The following THOP1 variants were observed in gnomAD, a reference collection of about 807,000 sequenced individuals.
THOP1 encodes the protein thimet oligopeptidase.
THOP1 carries 49 observed loss-of-function variants against 71.8 expected under a neutral mutation model. The ratio of observed to expected loss-of-function variants is 0.68; its 90% CI spans 0.54 to 0.87. The LOEUF is 0.87. Ranked by LOEUF, THOP1 falls within the 40% of genes least tolerant of loss-of-function variation. The pLI is 0.00. For missense variants in THOP1, 843 were observed against 975.6 expected, an observed-to-expected ratio of 0.86 and a Z score of 1.81; for synonymous variants, 426 against 421.5, an observed-to-expected ratio of 1.01 and a Z score of -0.13.
At position 2,796,102 on chromosome 19, in the gene THOP1, C is replaced by G. The variant is rs1287750734; in HGVS notation, c.400C>G (p.Leu134Val). Residue 134 changes from leucine to valine, a missense_variant, in exon 4 of 13, where the codon CTG becomes GTG. Leu to Val is a conservative substitution (Grantham distance 32, BLOSUM62 1). Transcript: ENST00000307741. Reference sequence around the variant, plus strand: ...CCAGGAGAAAGTTCAGAAGGACTCACTGAGGCCCGAGGCTGCGCGGTACCT... The same window carrying G: ...CCAGGAGAAAGTTCAGAAGGACTCAGTGAGGCCCGAGGCTGCGCGGTACCT... ...WLQEKVQKDS[L>V]RPEAARYLER... 1.9e-6 allele frequency: 3 copies of G among 1,613,918 alleles called. No homozygotes were observed. The highest frequency in any genetic ancestry group is 2.5e-6 in the Non-Finnish European group (3 of 1,179,968).
intron 5 of THOP1, among the ~76,000 whole-genome samples, 160 bp downstream of exon 5, chr19:2,799,951 T>C (rs1599525159): frequency 6.6e-6 from 1 of 152,354 alleles, no homozygotes; most frequent in African/African-American, 2.4e-5. Context: ...CTGAGGACTT[T>C]CCTCACCGGA....
intron 4 of THOP1, among the ~76,000 whole-genome samples, chr19:2,797,855 G>A (rs1048234462): frequency 6.6e-6 from 1 of 152,126 alleles, no homozygotes; most frequent in Non-Finnish European, 1.5e-5. Flanking sequence ...TCCTGGTTAG[G>A]GGGCGTCTCC....
intron 6 of THOP1, 67 bp from the exon 7 acceptor site, chr19:2,806,850 G>A (rs1916303735): frequency 6.2e-7 from 1 of 1,607,502 alleles, no homozygotes; most frequent in Non-Finnish European, 8.5e-7. Context: ...CCTGGGACAG[G>A]GCGTGCTGGC....
At position 2,791,534 on chromosome 19, in the gene THOP1, C is replaced by T. The variant is rs549459016; in HGVS notation, c.229+901C>T. Among the ~76,000 whole-genome samples, 105 of 152,328 alleles carry T rather than the reference C, an allele frequency of 6.9e-4. 1 individual carries two copies. The South Asian group carries it at 0.011, about 17-fold the overall frequency. ...GCAAGCACCCCAAGCCTGCAGGTCC[C>T]GCAGCCCCTGATTGGAATCCTGACC... On this transcript the variant is annotated intron_variant, in intron 2 of 12. Transcript: ENST00000307741.
chr19:2,808,196 G>C, intron 8 of THOP1, 47 bp from the exon 9 acceptor site: 1 of 1,532,776 alleles, frequency 6.5e-7, no homozygotes, highest in South Asian at 1.2e-5. Flanking sequence ...AGGGACTCTT[G>C]CGGTGTCTCT....
intron 2 of THOP1, among the ~76,000 whole-genome samples, chr19:2,792,134 T>C (rs1375952623): frequency 1.3e-5 from 2 of 152,256 alleles, no homozygotes; most frequent in Non-Finnish European, 2.9e-5. Flanking sequence ...ACTTGTCTAA[T>C]CGGTCGCCCG....
Position 2,804,717 on chromosome 19 carries a change from C to T in THOP1, c.590-299C>T, listed in dbSNP as rs1053448603. 3.2e-6 allele frequency: 1 copy of T among 308,474 alleles called. No individual in the cohort carries two copies. Among genetic ancestry groups the T allele is most frequent in the South Asian group, 6.3e-5 (1 of 15,774 alleles). 19.1% of individuals were successfully genotyped at this position (308,474 alleles called of 1,614,324 possible). ...GGGTTGGGCTGGATTTAGCTTTAAC[C>T]TCTCTGGGGCAGGAGATCCTGCTCT... On this transcript the variant is annotated intron_variant, in intron 5 of 12. Transcript: ENST00000307741. This position sits in a 1 kb window ranked among gnomAD's most constrained non-coding sequence, Gnocchi z 4.7.
intron 2 of THOP1, among the ~76,000 whole-genome samples, chr19:2,791,253 A>G (rs926137185): frequency 6.6e-6 from 1 of 152,156 alleles, no homozygotes; most frequent in African/African-American, 2.4e-5. Context: ...AGCTCTGCCT[A>G]AGGCTGACAG....
chr19:2,794,044 T>G (rs546247268), intron 2 of THOP1, among the ~76,000 whole-genome samples: 266 of 150,856 alleles, frequency 1.8e-3, no homozygotes, highest in Non-Finnish European at 2.9e-3. Flanking sequence ...AGATGGAGCC[T>G]CACTCTGTCG....
chr19:2,796,550 G>A (rs1916018811), intron 4 of THOP1, among the ~76,000 whole-genome samples: 1 of 151,022 alleles, frequency 6.6e-6, no homozygotes, highest in African/African-American at 2.4e-5. Flanking sequence ...CTCGGTCCCA[G>A]GGAGTACTGG....
rs1330912607 is a variant in THOP1, at chr19:2,804,882, A to G, written c.590-134A>G. The G allele has an allele frequency of 1.2e-6, 1 of 831,060 alleles. No homozygotes were observed. The highest frequency in any genetic ancestry group is 1.8e-6 in the Non-Finnish European group (1 of 553,892). 51.5% of individuals were successfully genotyped at this position (831,060 alleles called of 1,614,324 possible). ...GTAAGAATTGCAGCGGGTGGTGGCCAGGCTGCAGCTGCTCGCTGAGGGCCC... is the reference window on the plus strand; with the variant it reads ...GTAAGAATTGCAGCGGGTGGTGGCCGGGCTGCAGCTGCTCGCTGAGGGCCC... On this transcript the variant is annotated intron_variant, in intron 5 of 12. Coordinates refer to ENST00000307741, the MANE Select transcript of THOP1 (RefSeq NM_003249.5). The surrounding 1 kb of genome is among the most constrained non-coding windows in gnomAD (Gnocchi z 4.7).
chr19:2,794,467 G>A (rs1199052273), intron 2 of THOP1, among the ~76,000 whole-genome samples: 2 of 152,208 alleles, frequency 1.3e-5, no homozygotes, highest in South Asian at 2.1e-4. Flanking sequence ...CTGTTTCGTC[G>A]TACCCAGCTC....
At chr19:2,811,362 G>A (rs1040476649) in intron 11 of THOP1, among the ~76,000 whole-genome samples, 1 of 152,212 alleles carries the variant, frequency 6.6e-6, no homozygotes, top group African/African-American at 2.4e-5. Flanking sequence ...TGTGGCAGCT[G>A]ACAGCCCCGT....
In THOP1 at chr19:2,804,805, G is replaced by T; in HGVS notation, c.590-211G>T. Reference sequence around the variant, plus strand: ...GGACGTGAGAAACGTGGCAGGTGGTGGCCAGGCTGTGGGGGAGCCAGGGTA... The same window carrying T: ...GGACGTGAGAAACGTGGCAGGTGGTTGCCAGGCTGTGGGGGAGCCAGGGTA... On this transcript the variant is annotated intron_variant, in intron 5 of 12. Transcript: ENST00000307741. This position sits in a 1 kb window ranked among gnomAD's most constrained non-coding sequence, Gnocchi z 4.7. The T allele has an allele frequency of 1.8e-6, 1 of 543,132 alleles. No homozygotes were observed. The highest frequency in any genetic ancestry group is 3.2e-6 in the Non-Finnish European group (1 of 310,424). The allele number at this position is 543,132 out of a possible 1,614,324, so 33.6% of individuals were successfully genotyped here. A position where few individuals can be genotyped will look rare whatever the true frequency, so the allele number is the denominator to read the frequency against.
In THOP1 at chr19:2,799,777, C is replaced by A; in HGVS notation, c.575C>A (p.Thr192Lys). 6.2e-7 allele frequency: 1 copy of A among 1,613,748 alleles called. No individual in the cohort carries two copies. Among genetic ancestry groups the A allele is most frequent in the Non-Finnish European group, 8.5e-7 (1 of 1,179,864 alleles). Residue 192 changes from threonine to lysine, a missense_variant, in exon 5 of 13, where the codon ACG (threonine) becomes AAG (lysine). Transcript: ENST00000307741. ...GAGGACACGACCTTCCTGCCCTTCA[C>A]GCTCCAGGAGCTAGGTAGGGGCCGA... ...LNEDTTFLPFTLQELGGLPED... is the reference protein window; with the variant it reads ...LNEDTTFLPFKLQELGGLPED...
chr19:2,802,425 C>A, intron 5 of THOP1, among the ~76,000 whole-genome samples: 1 of 144,792 alleles, frequency 6.9e-6, no homozygotes, highest in African/African-American at 2.6e-5. Flanking sequence ...CTCCCGACAC[C>A]CCCACCTCCC....
intron 5 of THOP1, among the ~76,000 whole-genome samples, chr19:2,802,269 A>C (rs1327025566): frequency 1.5e-4 from 10 of 68,004 alleles, no homozygotes; most frequent in African/African-American, 1.8e-4. Flanking sequence ...CGACACACCC[A>C]CCTCCCGACA....
intron 4 of THOP1, among the ~76,000 whole-genome samples, chr19:2,799,002 TA>T (rs1032459756): frequency 6.6e-6 from 1 of 152,228 alleles, no homozygotes; most frequent in Non-Finnish European, 1.5e-5. Context: ...TAGCTGTTTC[TA>T]AAACCAGCTT....
At chr19:2,812,613 C>T (rs556705647) in intron 12 of THOP1, among the ~76,000 whole-genome samples, 2 of 152,296 alleles carry the variant, frequency 1.3e-5, no homozygotes, top group South Asian at 4.1e-4. Flanking sequence ...ACTGTGGCTC[C>T]CTGGCTCTGC....
Sources: allele counts gnomAD v4.1 joint callset (sites outside exome capture counted in the v4.1 genomes callset), GRCh38; gene constraint gnomAD v4.1.1; non-coding constraint Gnocchi (gnomAD v3.1); transcripts MANE v1.5; gene names NCBI Gene and HGNC (gene_info 2026-07-23, HGNC 2026-07-21).